SIPA1L3: variants seen among roughly 807,000 people sequenced by gnomAD.
SIPA1L3 encodes signal-induced proliferation-associated 1-like protein 3.
In SIPA1L3, 59 loss-of-function variants were observed where a neutral mutation model predicts 150.1. The observed-to-expected ratio is 0.39, with a 90% confidence interval of 0.32 to 0.49. The LOEUF (loss-of-function observed/expected upper bound fraction) is 0.49, where lower values mean the gene tolerates loss of function less well. SIPA1L3 is among the 20% of genes least tolerant of loss of function. The pLI is 0.86. For missense variants in SIPA1L3, 2,211 were observed against 2,489.5 expected (o/e 0.89, Z 2.38); for synonymous variants, 1,070 against 1,077.6 (o/e 0.99, Z 0.14).
chr19:38,109,519 A>G (rs1284558063), intron 7 of SIPA1L3: 1 of 152,336 alleles, frequency 6.6e-6, no homozygotes, highest in Admixed American at 6.5e-5. Flanking sequence ...AGCCACAGCC[A>G]TCCTGACCTC....
At chr19:38,186,652 G>A (rs1326987412) in intron 16 of SIPA1L3, among the ~76,000 whole-genome samples, 1 of 150,476 alleles carries the variant, frequency 6.6e-6, no homozygotes, top group African/African-American at 2.4e-5. Flanking sequence ...ACCGCACCCG[G>A]CCCCTTTTCA....
At chr19:37,951,893 C>CAAAAAAAAAAAAAAAAAAAAAAAA (rs5827992) in intron 1 of SIPA1L3, among the ~76,000 whole-genome samples, 1 of 83,896 alleles carries the variant, frequency 1.2e-5, no homozygotes, top group Non-Finnish European at 2.1e-5. Context: ...AAGACTGTCT[C>CAAAAAAAAAAAAAAAAAAAAAAAA]AAAAAAAAAA....
intron 1 of SIPA1L3, among the ~76,000 whole-genome samples, chr19:37,965,406 C>G (rs2046895042): frequency 6.6e-6 from 1 of 150,730 alleles, no homozygotes; most frequent in Admixed American, 6.6e-5. Context: ...ACCTCCGTCT[C>G]CCTGCTTCAA....
At chr19:38,198,140 C>G (rs1392348293) in intron 18 of SIPA1L3, among the ~76,000 whole-genome samples, 1 of 152,238 alleles carries the variant, frequency 6.6e-6, no homozygotes. Context: ...GTTCCTCCCC[C>G]AGGTAATCCG....
At chr19:38,071,999 G>A (rs1316438020) in intron 2 of SIPA1L3, among the ~76,000 whole-genome samples, 3 of 152,240 alleles carry the variant, frequency 2.0e-5, no homozygotes, top group Admixed American at 2.0e-4. Flanking sequence ...ACTCAGAAGA[G>A]CAGTGGGAGC....
chr19:38,124,785 C>A (rs1310984779), intron 9 of SIPA1L3, among the ~76,000 whole-genome samples: 4 of 152,214 alleles, frequency 2.6e-5, no homozygotes, highest in Non-Finnish European at 5.9e-5. Flanking sequence ...GGATCACTCG[C>A]GGTTAGGAGC....
chr19:38,108,601 A>G (rs189003505), intron 7 of SIPA1L3: 1 of 152,374 alleles, frequency 6.6e-6, no homozygotes, highest in African/African-American at 2.4e-5. Flanking sequence ...ACTGTGAGCC[A>G]TGTCACTTAG....
chr19:37,980,715 G>C (rs1339230758), intron 1 of SIPA1L3, among the ~76,000 whole-genome samples: 2 of 152,206 alleles, frequency 1.3e-5, no homozygotes, highest in African/African-American at 4.8e-5. Flanking sequence ...GTGGGGTTCT[G>C]CTCTGTTTCC....
In SIPA1L3 at chr19:38,121,078, A is replaced by G. The variant is rs148962978; in HGVS notation, c.2868+1196A>G. 4.4e-4 allele frequency among the ~76,000 whole-genome samples: 67 copies of G among 152,308 alleles called. No individual in the cohort carries two copies. The East Asian group carries it at 0.011, about 25-fold the overall frequency. On this transcript the variant is annotated intron_variant, in intron 9 of 21. Coordinates refer to ENST00000222345, the MANE Select transcript of SIPA1L3 (RefSeq NM_015073.3). ...TCTGCATTGCTGGGTGCAGTGGCTC[A>G]TGCCTATAATCCCAACACTTTGGGA...
chr19:37,911,789 G>A (rs926045297), intron 1 of SIPA1L3, among the ~76,000 whole-genome samples: 2 of 152,008 alleles, frequency 1.3e-5, no homozygotes, highest in Non-Finnish European at 2.9e-5. Context: ...GTGAGCCACC[G>A]CGCCTGGCCC....
chr19:38,145,005 C>A (rs546339378), intron 12 of SIPA1L3, among the ~76,000 whole-genome samples: 1 of 152,106 alleles, frequency 6.6e-6, no homozygotes, highest in South Asian at 2.1e-4. Flanking sequence ...AGAGAGGAAT[C>A]GGGTGTGTGC....
chr19:37,923,482 A>C (rs2046474590), intron 1 of SIPA1L3, among the ~76,000 whole-genome samples: 1 of 152,200 alleles, frequency 6.6e-6, no homozygotes, highest in African/African-American at 2.4e-5. Flanking sequence ...CAGTAAAAAT[A>C]TGATATAAAA....
intron 1 of SIPA1L3, among the ~76,000 whole-genome samples, chr19:37,991,282 A>T (rs575292875): frequency 6.6e-6 from 1 of 152,360 alleles, no homozygotes; most frequent in South Asian, 2.1e-4. Context: ...TTTAAAAAAA[A>T]TAGTCTCAAA....
chr19:37,991,803 G>A (rs1415480192), intron 1 of SIPA1L3, among the ~76,000 whole-genome samples: 1 of 152,190 alleles, frequency 6.6e-6, no homozygotes, highest in Non-Finnish European at 1.5e-5. Flanking sequence ...CTAGGACCGG[G>A]GTGGGGTTTG....
intron 1 of SIPA1L3, among the ~76,000 whole-genome samples, chr19:38,014,547 T>C (rs1460294757): frequency 1.4e-5 from 1 of 71,610 alleles, no homozygotes; most frequent in Admixed American, 1.3e-4. Context: ...CCACATTCTT[T>C]TTTTTTTTTT....
At chr19:38,134,574 G>A (rs930528396) in intron 10 of SIPA1L3, among the ~76,000 whole-genome samples, 4 of 151,596 alleles carry the variant, frequency 2.6e-5, no homozygotes, top group African/African-American at 4.8e-5. Flanking sequence ...GGGCATGGTA[G>A]CGTGCGCCTG....
intron 1 of SIPA1L3, among the ~76,000 whole-genome samples, chr19:38,010,355 C>CTTT (rs1276501609): frequency 1.3e-5 from 2 of 151,192 alleles, no homozygotes; most frequent in South Asian, 2.1e-4. Flanking sequence ...CTATAGTAAG[C>CTTT]TAAAATCAAG....
At chr19:38,012,510 A>G (rs1427268494) in intron 1 of SIPA1L3, among the ~76,000 whole-genome samples, 1 of 152,104 alleles carries the variant, frequency 6.6e-6, no homozygotes, top group Non-Finnish European at 1.5e-5. Context: ...GTGTGGGGTG[A>G]GGGGCAGAAC....
chr19:38,063,920 G>C (rs1341406102), intron 2 of SIPA1L3, among the ~76,000 whole-genome samples: 1 of 152,218 alleles, frequency 6.6e-6, no homozygotes, highest in Non-Finnish European at 1.5e-5. Context: ...TCCCTGCAGG[G>C]CAGCCTGGAG....
Sources: gnomAD v4.1 joint callset for allele counts (sites outside exome capture counted in the v4.1 genomes callset) on GRCh38, gnomAD v4.1.1 for gene constraint, MANE v1.5 for transcripts, NCBI Gene and HGNC (gene_info 2026-07-23, HGNC 2026-07-21) for gene names.